The following ATP11A variants were observed in gnomAD, a reference collection of about 807,000 sequenced individuals.
ATP11A encodes the protein ATPase phospholipid transporting 11A.
ATP11A carries 81 observed loss-of-function variants against 154.4 expected under a neutral mutation model. That is an observed-to-expected ratio of 0.52 (90% CI 0.44 to 0.63). The LOEUF is 0.63. ATP11A is among the 30% of genes least tolerant of loss of function. The probability of loss-of-function intolerance (pLI) is 0.00; values close to 1 mark genes in which losing one functional copy is unlikely to be tolerated. For missense variants in ATP11A, 1,316 were observed against 1,474.3 expected (o/e 0.89, Z 1.76); for synonymous variants, 623 against 585.9 (o/e 1.06, Z -0.91).
At chr13:112,775,045 A>T (rs1188411608) in intron 1 of ATP11A, among the ~76,000 whole-genome samples, 3 of 152,206 alleles carry the variant, frequency 2.0e-5, no homozygotes, top group African/African-American at 7.2e-5. Flanking sequence ...TGTGCCTCGG[A>T]TGTGGCGTCT....
At position 112,690,344 on chromosome 13, in the gene ATP11A, C is replaced by T. The variant is rs1241692467; in HGVS notation, c.-73C>T. ...AGCGGGGGGCGCGGCCGCACTAGTA[C>T]CCCGGAGCCCATGGGCGCGCCGAGC... On this transcript the variant is annotated 5_prime_UTR_variant, in exon 1 of 30. Transcript: ENST00000375645. The surrounding 1 kb of genome is among the most constrained non-coding windows in gnomAD (Gnocchi z 5.6). The T allele has an allele frequency of 9.4e-6, 11 of 1,168,770 alleles. No homozygotes were observed. The Admixed American group carries it at 1.3e-4, about 14-fold the overall frequency. 72.4% of individuals were successfully genotyped at this position (1,168,770 alleles called of 1,614,324 possible).
chr13:112,798,157 A>T (rs1280453891), intron 2 of ATP11A, among the ~76,000 whole-genome samples: 1 of 152,242 alleles, frequency 6.6e-6, no homozygotes, highest in Non-Finnish European at 1.5e-5. Context: ...GCATGGCGGA[A>T]TCAGAACTCT....
chr13:112,852,923 G>A (rs1392741707), intron 18 of ATP11A, among the ~76,000 whole-genome samples: 1 of 152,016 alleles, frequency 6.6e-6, no homozygotes, highest in Non-Finnish European at 1.5e-5. Context: ...GCCCGGTGGA[G>A]CACGCTTGTA....
chr13:112,877,925 G>A (rs1380885731), intron 28 of ATP11A, among the ~76,000 whole-genome samples: 1 of 152,116 alleles, frequency 6.6e-6, no homozygotes, highest in Non-Finnish European at 1.5e-5. Flanking sequence ...ATTGCTGTGG[G>A]TCTCTGCGTC....
chr13:112,712,734 C>T (rs1375600478), intron 1 of ATP11A, among the ~76,000 whole-genome samples: 1 of 152,190 alleles, frequency 6.6e-6, no homozygotes, highest in African/African-American at 2.4e-5. Flanking sequence ...AGGTGAGGGC[C>T]AGTTCCAGCC....
intron 1 of ATP11A, among the ~76,000 whole-genome samples, chr13:112,735,926 G>T (rs911845889): frequency 2.0e-5 from 3 of 152,160 alleles, no homozygotes; most frequent in African/African-American, 7.2e-5. Flanking sequence ...CTCCGTGTGC[G>T]CATGCTCTGC....
rs1159373791 is a variant in ATP11A at position 112,690,632 on chromosome 13, C to G, written c.39+177C>G. ...TGGGGAGGGGCCTCGGAGTTGACAC[C>G]CTGGGGCTTCCGACGGGGTCTAGGT... is the stretch of plus-strand genomic sequence containing the variant. On this transcript the variant is annotated intron_variant, in intron 1 of 29. Transcript: ENST00000375645. The surrounding 1 kb of genome is among the most constrained non-coding windows in gnomAD (Gnocchi z 5.6). Among the ~76,000 whole-genome samples the G allele has an allele frequency of 6.6e-6, 1 of 151,844 alleles. No individual in the cohort carries two copies. The highest frequency in any genetic ancestry group is 1.5e-5 in the Non-Finnish European group (1 of 67,914).
chr13:112,871,620 G>T, intron 25 of ATP11A, 115 bp from the exon 26 acceptor site: 1 of 944,068 alleles, frequency 1.1e-6, no homozygotes, highest in Non-Finnish European at 1.7e-6. Context: ...ATATCTTTGG[G>T]GTTTGAAGTG....
Position 112,759,451 on chromosome 13 carries a change from C to G in ATP11A, c.40-25684C>G, listed in dbSNP as rs183038406. 2.0e-5 allele frequency among the ~76,000 whole-genome samples: 3 copies of G among 152,330 alleles called. No homozygotes were observed. The South Asian group carries it at 6.2e-4, about 32-fold the overall frequency. On this transcript the variant is annotated intron_variant, in intron 1 of 29. Coordinates refer to ENST00000375645, the MANE Select transcript of ATP11A (RefSeq NM_015205.3). ...AGACTTCCTAACCTGCGTGCTCTTT[C>G]AACAATAGCGCGTGGACACATTTTT... is the stretch of plus-strand genomic sequence containing the variant.
chr13:112,824,669 C>G (rs935357585), intron 10 of ATP11A, among the ~76,000 whole-genome samples: 2 of 152,188 alleles, frequency 1.3e-5, no homozygotes, highest in Non-Finnish European at 2.9e-5. Flanking sequence ...TACGGACGCC[C>G]TGACGTTCCG....
At position 112,740,158 on chromosome 13, in the gene ATP11A, A is replaced by C. The variant is rs543558860; in HGVS notation, c.40-44977A>C. ...TCTCTCTCTCTCTCTCTATATATAT[A>C]TATATATATATAGATATCTATATGT... On this transcript the variant is annotated intron_variant, in intron 1 of 29. Coordinates refer to ENST00000375645, the MANE Select transcript of ATP11A (RefSeq NM_015205.3). 3.4e-3 allele frequency among the ~76,000 whole-genome samples: 503 copies of C among 149,336 alleles called. 2 individuals are homozygous for C. The highest frequency in any genetic ancestry group is 0.011 in the East Asian group (56 of 5,162).
chr13:112,770,785 G>A (rs926524559), intron 1 of ATP11A, among the ~76,000 whole-genome samples: 8 of 152,308 alleles, frequency 5.3e-5, no homozygotes, highest in African/African-American at 1.4e-4. Context: ...AGGAGGCGGC[G>A]ATGGCGAGTC....
At chr13:112,750,735 C>T (rs1355190078) in intron 1 of ATP11A, among the ~76,000 whole-genome samples, 1 of 152,226 alleles carries the variant, frequency 6.6e-6, no homozygotes, top group East Asian at 1.9e-4. Context: ...GGGAGAATAA[C>T]AAAGCCTCCT....
intron 17 of ATP11A, among the ~76,000 whole-genome samples, chr13:112,847,210 A>G (rs2079634696): frequency 6.6e-6 from 1 of 152,218 alleles, no homozygotes. Flanking sequence ...AAATAATTAC[A>G]GATTTAGGAG....
rs1215072890 is a variant in ATP11A, at chr13:112,831,471, G to A, written c.1318G>A (p.Val440Ile). Reference sequence around the variant, plus strand: ...CGAAGGCCATGTCTACGTGCCCCACGTCATCTGCAACGGGCAGGTCCTCCC... The same window carrying A: ...CGAAGGCCATGTCTACGTGCCCCACATCATCTGCAACGGGCAGGTCCTCCC... ...CIEGHVYVPH[V>I]ICNGQVLPES... Residue 440 changes from valine (V) to isoleucine (I), a missense_variant, in exon 13 of 30, where the codon GTC becomes ATC. Physicochemically the swap from Val to Ile is conservative, Grantham distance 29. This residue lies in a region of ATP11A where 876 missense variants were observed against 1,006.8 expected (regional missense o/e 0.87). Coordinates refer to ENST00000375645, the MANE Select transcript of ATP11A (RefSeq NM_015205.3). The A allele has an allele frequency of 1.2e-5, 19 of 1,614,188 alleles. No individual in the cohort carries two copies. Among genetic ancestry groups the A allele is most frequent in the Admixed American group, 1.7e-5 (1 of 60,022 alleles).
chr13:112,779,108 GTAGCCACTGGAGT>G (rs1298648840), intron 1 of ATP11A, among the ~76,000 whole-genome samples: 12 of 129,550 alleles, frequency 9.3e-5, no homozygotes, highest in African/African-American at 3.5e-4. Context: ...ACTGGAGTGA[GTAGCCACTGGAGT>G]GAGTAGCCGC....
At chr13:112,830,413 T>C (rs145532395) in intron 12 of ATP11A, among the ~76,000 whole-genome samples, 1 of 152,020 alleles carries the variant, frequency 6.6e-6, no homozygotes, top group Non-Finnish European at 1.5e-5. Flanking sequence ...CCATCTCTAC[T>C]AAAAATACAA....
At chr13:112,783,629 T>C (rs1002550398) in intron 1 of ATP11A, among the ~76,000 whole-genome samples, 1 of 152,226 alleles carries the variant, frequency 6.6e-6, no homozygotes, top group African/African-American at 2.4e-5. Flanking sequence ...GCTGTGTTTC[T>C]CATGCCCCAG....
In ATP11A at chr13:112,885,414, C is replaced by T. The variant is rs913618834; in HGVS notation, c.*3548C>T. ...GCACACGTGCACATTCATGTGTACA[C>T]CACAAATGAGTTCCCAGACGTGTAA... On this transcript the variant is annotated 3_prime_UTR_variant, in exon 30 of 30. Coordinates refer to ENST00000375645, the MANE Select transcript of ATP11A (RefSeq NM_015205.3). The T allele has an allele frequency of 2.0e-5, 3 of 152,242 alleles. No individual in the cohort carries two copies. Among genetic ancestry groups the T allele is most frequent in the Admixed American group, 6.5e-5 (1 of 15,286 alleles). 9.4% of individuals were successfully genotyped at this position (152,242 alleles called of 1,614,324 possible).
Sources: gnomAD v4.1 joint callset for allele counts (sites outside exome capture counted in the v4.1 genomes callset) on GRCh38, gnomAD v4.1.1 for gene constraint, gnomAD v4.1.1 regional missense constraint, Gnocchi (gnomAD v3.1) non-coding constraint, MANE v1.5 for transcripts, NCBI Gene and HGNC (gene_info 2026-07-23, HGNC 2026-07-21) for gene names.